Variants in NCKAP1 observed in about 807,000 individuals in gnomAD.
The protein encoded by NCKAP1 is NCK associated protein 1.
NCKAP1 carries 21 observed loss-of-function variants against 151.2 expected under a neutral mutation model. That is an observed-to-expected ratio of 0.14 (90% CI 0.10 to 0.20). The LOEUF is 0.20. Among genes scored for constraint, NCKAP1 ranks in the 10% least tolerant of loss-of-function variants. The pLI is 1.00. For missense variants in NCKAP1, 933 were observed against 1,352.1 expected, an observed-to-expected ratio of 0.69 and a Z score of 4.86; for synonymous variants, 484 against 451.8, an observed-to-expected ratio of 1.07 and a Z score of -0.90.
chr2:182,935,199 TTG>T, intron 25 of NCKAP1, 92 bp downstream of exon 25: 2 of 862,152 alleles, frequency 2.3e-6, no homozygotes, highest in Non-Finnish European at 3.6e-6. Context: ...AATTATATCA[TTG>T]CTAAGCATGA....
intron 9 of NCKAP1, among the ~76,000 whole-genome samples, chr2:182,988,479 G>C (rs1311695590): frequency 1.3e-5 from 2 of 152,002 alleles, no homozygotes; most frequent in African/African-American, 4.8e-5. Flanking sequence ...GAGAAATAAA[G>C]TTATTAAAAA....
At chr2:182,977,785 T>C (rs1007200446) in intron 14 of NCKAP1, among the ~76,000 whole-genome samples, 4 of 152,198 alleles carry the variant, frequency 2.6e-5, no homozygotes. Context: ...TGGAGATTGG[T>C]TGTACAACAA....
intron 16 of NCKAP1, among the ~76,000 whole-genome samples, chr2:182,966,583 G>T (rs1353931605): frequency 1.3e-5 from 2 of 152,036 alleles, no homozygotes; most frequent in African/African-American, 4.8e-5. Flanking sequence ...ACCGCGCCTG[G>T]CCACCACACT....
rs997839531 is a variant in NCKAP1, at chr2:182,997,124, C to T, written c.604-1286G>A. Among the ~76,000 whole-genome samples, 5 of 152,108 alleles carry T rather than the reference C, an allele frequency of 3.3e-5. No homozygotes were observed. The East Asian group carries it at 9.6e-4, about 29-fold the overall frequency. ...TTTCTCATTTAATTGTGGTTATTTG[C>T]ATCTTCTCTCTCTCTTTTTTCCTTG... On this transcript the variant is annotated intron_variant, in intron 6 of 30. Transcript: ENST00000361354.
In NCKAP1 at chr2:182,916,959, G is replaced by C. The variant is rs1403317815; in HGVS notation, c.*8743C>G. The C allele has an allele frequency of 6.6e-6, 1 of 152,028 alleles. No homozygotes were observed. The highest frequency in any genetic ancestry group is 2.4e-5 in the African/African-American group (1 of 41,390). 9.4% of individuals were successfully genotyped at this position (152,028 alleles called of 1,614,324 possible). The stretch of plus-strand genomic sequence containing the variant: ...TTACATTTGCATGAGTGGAAGTTCT[G>C]ATATTATAATACTCATAAAAGCCAT... On this transcript the variant is annotated 3_prime_UTR_variant, in exon 31 of 31. Transcript: ENST00000361354.
At position 182,978,766 on chromosome 2, in the gene NCKAP1, T is replaced by C. The variant is rs1316983046; in HGVS notation, c.1423+68A>G. On this transcript the variant is annotated intron_variant, in intron 14 of 30. Transcript: ENST00000361354. ...ATTAGCCAAATTAATTGGTAAATTA[T>C]CTCCTTAATAATCAAGTTTGAAAAT... The C allele has an allele frequency of 7.9e-6, 7 of 891,662 alleles. No individual in the cohort carries two copies. In the South Asian group the frequency reaches 1.7e-4, roughly 22 times the overall value. The allele number at this position is 891,662 out of a possible 1,614,324, so 55.2% of individuals were successfully genotyped here. A position where few individuals can be genotyped will look rare whatever the true frequency, so the allele number is the denominator to read the frequency against.
intron 1 of NCKAP1, among the ~76,000 whole-genome samples, chr2:183,036,587 C>A (rs1445893373): frequency 6.6e-6 from 1 of 152,116 alleles, no homozygotes; most frequent in Non-Finnish European, 1.5e-5. Flanking sequence ...TGTCATGACA[C>A]TGAGCTCCTG....
chr2:183,001,012 G>C (rs575151884), intron 6 of NCKAP1, among the ~76,000 whole-genome samples: 1 of 152,124 alleles, frequency 6.6e-6, no homozygotes, highest in Non-Finnish European at 1.5e-5. Flanking sequence ...GGAGAATCAC[G>C]AGCCCGGGAG....
intron 24 of NCKAP1, among the ~76,000 whole-genome samples, chr2:182,938,862 T>A (rs1696935424): frequency 6.6e-6 from 1 of 152,140 alleles, no homozygotes. Context: ...AAAGTTTCAA[T>A]GAGCCAGAAC....
chr2:182,920,889 T>TTA lies in NCKAP1; in HGVS notation c.*4812_*4813insTA, dbSNP rs1696540974. 1 of 149,688 alleles carries TTA rather than the reference T, an allele frequency of 6.7e-6. No homozygotes were observed. Among genetic ancestry groups the TTA allele is most frequent in the Admixed American group, 6.7e-5 (1 of 15,004 alleles). 9.3% of individuals were successfully genotyped at this position (149,688 alleles called of 1,614,324 possible). Reference sequence around the variant, plus strand: ...TTGTGTGATGCAGCAAACACATGCATAAAAAAAAAATCAGAAATAATGAAA... The same window carrying TTA: ...TTGTGTGATGCAGCAAACACATGCATTAAAAAAAAAAATCAGAAATAATGAAA... On this transcript the variant is annotated 3_prime_UTR_variant, in exon 31 of 31. Coordinates refer to ENST00000361354, the MANE Select transcript of NCKAP1 (RefSeq NM_013436.5).
intron 14 of NCKAP1, among the ~76,000 whole-genome samples, chr2:182,977,963 TAAGGGAAGTA>T (rs1001874202): frequency 6.6e-5 from 10 of 152,208 alleles, no homozygotes; most frequent in African/African-American, 2.4e-4. Flanking sequence ...ACAGTTGTGC[TAAGGGAAGTA>T]AAGGCTTTTC....
chr2:182,946,323 C>T (rs1292670226), intron 23 of NCKAP1, among the ~76,000 whole-genome samples: 1 of 152,014 alleles, frequency 6.6e-6, no homozygotes, highest in Non-Finnish European at 1.5e-5. Context: ...TGGCGTGAAC[C>T]TGGGAGGCAG....
Position 183,003,003 on chromosome 2 carries a change from T to C in NCKAP1, c.340A>G (p.Ile114Val), listed in dbSNP as rs930810975. ...KDHVCELLNT[I>V]DVCQVFFDIT... ...TCAAAGAAGACTTGGCAAACGTCAA[T>C]AGTATTCAGCAATTCACAAACATGG... The change falls in exon 4 of 31, where the codon ATT (isoleucine) becomes GTT (valine). Residue 114 changes from isoleucine (I) to valine (V), a missense_variant. By Grantham distance (29) the Ile-to-Val change is conservative. Coordinates refer to ENST00000361354, the MANE Select transcript of NCKAP1 (RefSeq NM_013436.5). 5.0e-6 allele frequency: 8 copies of C among 1,608,856 alleles called. No individual in the cohort carries two copies. The highest frequency in any genetic ancestry group is 4.0e-5 in the African/African-American group (3 of 74,762).
intron 23 of NCKAP1, among the ~76,000 whole-genome samples, chr2:182,951,983 T>C (rs1468975631): frequency 6.6e-6 from 1 of 152,122 alleles, no homozygotes; most frequent in Non-Finnish European, 1.5e-5. Flanking sequence ...ATTTAAAAGA[T>C]TACCTAAGAA....
rs530338424 is a variant in NCKAP1 at position 182,925,721 on chromosome 2, C to T, written c.3368G>A (p.Ser1123Asn). Residue 1123 changes from serine to asparagine, a missense_variant, in exon 31 of 31, where the codon AGT (serine) becomes AAT (asparagine). Ser to Asn is a conservative substitution (Grantham distance 46). This residue lies in a region of NCKAP1 where 326 missense variants were observed against 557.1 expected (regional missense o/e 0.59). Transcript: ENST00000361354. ...RNAYHAVYKQ[S>N]VTSSA Reference sequence around the variant, plus strand: ...GTAATTTTATGCAGAAGATGTAACACTTTGTTTGTAGACAGCATGGTATGC... The same window carrying T: ...GTAATTTTATGCAGAAGATGTAACATTTTGTTTGTAGACAGCATGGTATGC... 2.6e-6 allele frequency: 4 copies of T among 1,560,470 alleles called. No individual in the cohort carries two copies. In the South Asian group the frequency reaches 3.7e-5, roughly 14 times the overall value.
chr2:182,954,781 G>A (rs945718204), intron 20 of NCKAP1, among the ~76,000 whole-genome samples: 53 of 151,866 alleles, frequency 3.5e-4, no homozygotes, highest in African/African-American at 8.7e-4. Context: ...ACAAAACTCC[G>A]TCTCAAAATA....
rs1347967797 is a variant in NCKAP1, at chr2:182,911,061, T to C, written c.*14641A>G. ...GGATGGGAGGTTGGGCACATCTCAT[T>C]ATACCCCCTCCTCACTAACTACCAT... On this transcript the variant is annotated 3_prime_UTR_variant, in exon 31 of 31. Coordinates refer to ENST00000361354, the MANE Select transcript of NCKAP1 (RefSeq NM_013436.5). The C allele has an allele frequency of 6.6e-6, 1 of 150,656 alleles. No individual in the cohort carries two copies. Among genetic ancestry groups the C allele is most frequent in the African/African-American group, 2.4e-5 (1 of 41,174 alleles). The allele number at this position is 150,656 out of a possible 1,614,324, so 9.3% of individuals were successfully genotyped here. A position where few individuals can be genotyped will look rare whatever the true frequency, so the allele number is the denominator to read the frequency against.
chr2:183,002,768 A>G (rs996011525), intron 4 of NCKAP1, among the ~76,000 whole-genome samples: 4 of 152,048 alleles, frequency 2.6e-5, no homozygotes, highest in Admixed American at 2.0e-4. Flanking sequence ...GTATTTCCCA[A>G]TATGTACAAG....
intron 1 of NCKAP1, among the ~76,000 whole-genome samples, chr2:183,030,898 T>C (rs1477771028): frequency 2.0e-5 from 3 of 152,208 alleles, no homozygotes; most frequent in Non-Finnish European, 2.9e-5. Flanking sequence ...GCTTTCCGAT[T>C]ATTTTTTTCC....
Sources: allele counts gnomAD v4.1 joint callset (sites outside exome capture counted in the v4.1 genomes callset), GRCh38; gene constraint gnomAD v4.1.1; regional missense constraint gnomAD v4.1.1; transcripts MANE v1.5; gene names NCBI Gene and HGNC (gene_info 2026-07-23, HGNC 2026-07-21).